DCC: variants seen among roughly 807,000 people sequenced by gnomAD.
DCC encodes netrin receptor DCC.
Under a neutral mutation model 172.5 loss-of-function variants are expected in DCC, and 58 were observed. That is an observed-to-expected ratio of 0.34 (90% CI 0.27 to 0.42). DCC has a LOEUF of 0.42. Ranked by LOEUF, DCC falls within the 10% of genes least tolerant of loss-of-function variation. The pLI, the probability that DCC is intolerant of heterozygous loss-of-function variation, is 1.00. For synonymous variants in DCC, 709 were observed against 644.5 expected, an observed-to-expected ratio of 1.10 and a Z score of -1.52; for missense variants, 1,740 against 1,791.0, an observed-to-expected ratio of 0.97 and a Z score of 0.51.
intron 15 of DCC, among the ~76,000 whole-genome samples, chr18:53,349,278 T>C (rs1261313843): frequency 6.6e-6 from 1 of 152,152 alleles, no homozygotes; most frequent in African/African-American, 2.4e-5. Flanking sequence ...TTTGCTCCAG[T>C]TCCCAACAAG....
intron 9 of DCC, among the ~76,000 whole-genome samples, chr18:53,194,466 G>C (rs1368363892): frequency 6.6e-6 from 1 of 151,482 alleles, no homozygotes; most frequent in Non-Finnish European, 1.5e-5. Context: ...TGTTGTTTTT[G>C]TTGTTGTTTG....
intron 8 of DCC, among the ~76,000 whole-genome samples, chr18:53,176,624 A>G (rs1282935061): frequency 2.6e-5 from 4 of 152,214 alleles, no homozygotes; most frequent in East Asian, 1.9e-4. Flanking sequence ...CAAAACCACA[A>G]TGAGATACCA....
At chr18:52,954,230 G>A (rs1355472597) in intron 5 of DCC, among the ~76,000 whole-genome samples, 5 of 152,130 alleles carry the variant, frequency 3.3e-5, no homozygotes, top group Admixed American at 2.6e-4. Flanking sequence ...TTGTGGTTAA[G>A]CCTAGAAAAT....
intron 7 of DCC, among the ~76,000 whole-genome samples, chr18:53,099,020 T>C (rs566913088): frequency 3.3e-5 from 5 of 152,164 alleles, no homozygotes; most frequent in East Asian, 1.9e-4. Flanking sequence ...ATAATAATAA[T>C]AATAGTAATA....
chr18:53,396,648 C>G (rs982725997), intron 17 of DCC, among the ~76,000 whole-genome samples: 9 of 152,140 alleles, frequency 5.9e-5, no homozygotes, highest in Non-Finnish European at 1.2e-4. Flanking sequence ...CTCATGTTCT[C>G]TATAAGATGT....
chr18:53,143,623 C>A (rs1172602325), intron 7 of DCC, among the ~76,000 whole-genome samples: 2 of 152,188 alleles, frequency 1.3e-5, no homozygotes, highest in South Asian at 2.1e-4. Flanking sequence ...GACCCTAGAG[C>A]AGCAGGAAAC....
chr18:52,602,422 T>TGTGTGTGA (rs944835362), intron 1 of DCC, among the ~76,000 whole-genome samples: 1 of 151,822 alleles, frequency 6.6e-6, no homozygotes, highest in Non-Finnish European at 1.5e-5. Flanking sequence ...TGTGTGTGTG[T>TGTGTGTGA]GATTCAACTT....
chr18:52,688,940 G>T (rs2035885593), intron 1 of DCC, among the ~76,000 whole-genome samples: 1 of 152,038 alleles, frequency 6.6e-6, no homozygotes, highest in South Asian at 2.1e-4. Flanking sequence ...GTACAGAAAA[G>T]ATTAAGGCAT....
chr18:53,087,742 C>A (rs1351164590), intron 7 of DCC, among the ~76,000 whole-genome samples: 1 of 152,088 alleles, frequency 6.6e-6, no homozygotes, highest in Non-Finnish European at 1.5e-5. Flanking sequence ...TTAGGTCTAA[C>A]GTTTAAGTCT....
At position 53,128,870 on chromosome 18, in the gene DCC, C is replaced by CATATATATATATATAT. The variant is rs367907467; in HGVS notation, c.1262-28467_1262-28452dup. Among the ~76,000 whole-genome samples, 7 of 77,452 alleles carry CATATATATATATATAT rather than the reference C, an allele frequency of 9.0e-5. No individual in the cohort carries two copies. The East Asian group carries it at 1.2e-3, about 13-fold the overall frequency. The allele number at this position is 77,452 out of a possible 152,430, so 50.8% of individuals were successfully genotyped here. ...ACACACACACACACACACACACACA[C>CATATATATATATATAT]ATATATATATATATATATATATATA... On this transcript the variant is annotated intron_variant, in intron 7 of 28. Transcript: ENST00000442544.
intron 1 of DCC, among the ~76,000 whole-genome samples, chr18:52,682,379 A>C (rs1388423642): frequency 6.6e-6 from 1 of 152,056 alleles, no homozygotes; most frequent in Admixed American, 6.6e-5. Context: ...GAAACAAGCA[A>C]TACTTAGAGA....
At chr18:52,351,813 A>G (rs1400139674) in intron 1 of DCC, among the ~76,000 whole-genome samples, 2 of 152,184 alleles carry the variant, frequency 1.3e-5, no homozygotes, top group Admixed American at 6.5e-5. Context: ...CTATTTCTTA[A>G]AAACATAAAC....
chr18:52,647,139 A>G lies in DCC; in HGVS notation c.92-104915A>G, dbSNP rs996914532. Among the ~76,000 whole-genome samples, 4 of 152,216 alleles carry G rather than the reference A, an allele frequency of 2.6e-5. No individual in the cohort carries two copies. In the East Asian group the frequency reaches 7.7e-4, roughly 29 times the overall value. On this transcript the variant is annotated intron_variant, in intron 1 of 28. Transcript: ENST00000442544. Reference sequence around the variant, plus strand: ...GTAGTCAATAGTAGAAACTCTCAGTATTGACCTTCTCATCTGAACATGCCA... The same window carrying G: ...GTAGTCAATAGTAGAAACTCTCAGTGTTGACCTTCTCATCTGAACATGCCA...
At position 53,271,423 on chromosome 18, in the gene DCC, C is replaced by T. The variant is rs1400614050; in HGVS notation, c.1912-34155C>T. 2.0e-5 allele frequency among the ~76,000 whole-genome samples: 3 copies of T among 152,148 alleles called. No individual in the cohort carries two copies. The East Asian group carries it at 5.8e-4, about 29-fold the overall frequency. ...AATCCAGGTATGATTCAGCTGGGTG[C>T]CTGTGGCTCAGAATCTCCCACAATG... is the stretch of plus-strand genomic sequence containing the variant. On this transcript the variant is annotated intron_variant, in intron 12 of 28. Transcript: ENST00000442544.
At chr18:53,481,896 G>T (rs149070266) in intron 25 of DCC, among the ~76,000 whole-genome samples, 210 of 152,296 alleles carry the variant, frequency 1.4e-3, no homozygotes, top group African/African-American at 4.8e-3. Context: ...CAATGTCAGA[G>T]ATAAATTCAA....
chr18:52,864,273 A>G (rs1388088447), intron 2 of DCC, among the ~76,000 whole-genome samples: 2 of 152,238 alleles, frequency 1.3e-5, no homozygotes, highest in South Asian at 2.1e-4. Context: ...ATTTGAAAGC[A>G]TAGAGAGATT....
intron 2 of DCC, among the ~76,000 whole-genome samples, chr18:52,867,973 C>G (rs1194799093): frequency 6.6e-6 from 1 of 151,044 alleles, no homozygotes; most frequent in Non-Finnish European, 1.5e-5. Flanking sequence ...TTAATTTGAT[C>G]TTCCCATAAA....
At chr18:53,288,037 G>T (rs1015221546) in intron 12 of DCC, among the ~76,000 whole-genome samples, 2 of 151,996 alleles carry the variant, frequency 1.3e-5, no homozygotes, top group African/African-American at 2.4e-5. Context: ...ATGTAAACAC[G>T]CATCATCTGC....
chr18:53,314,294 C>T (rs1236293009), intron 13 of DCC, among the ~76,000 whole-genome samples: 1 of 152,060 alleles, frequency 6.6e-6, no homozygotes, highest in South Asian at 2.1e-4. Context: ...AAAAAAGGAT[C>T]GCAAGTTAAA....
Sources: gnomAD v4.1 joint callset for allele counts (sites outside exome capture counted in the v4.1 genomes callset) on GRCh38, gnomAD v4.1.1 for gene constraint, MANE v1.5 for transcripts, NCBI Gene and HGNC (gene_info 2026-07-23, HGNC 2026-07-21) for gene names.